DGKE: variants seen among roughly 807,000 people sequenced by gnomAD.
DGKE encodes the protein DAG kinase epsilon.
Under a neutral mutation model 70.0 loss-of-function variants are expected in DGKE, and 53 were observed. The ratio of observed to expected loss-of-function variants is 0.76; its 90% CI spans 0.61 to 0.95. The LOEUF (loss-of-function observed/expected upper bound fraction) is 0.95. DGKE is among the 40% of genes least tolerant of loss of function. The pLI is 0.00. For missense variants in DGKE, 655 were observed against 706.9 expected (o/e 0.93, Z 0.83); for synonymous variants, 291 against 257.0 (o/e 1.13, Z -1.27).
chr17:56,838,243 C>G (rs573412556), intron 2 of DGKE, among the ~76,000 whole-genome samples: 2 of 152,202 alleles, frequency 1.3e-5, no homozygotes, highest in East Asian at 3.8e-4. Context: ...CTCAGTGTAA[C>G]TAGTCTCAGC....
At chr17:56,853,926 A>G (rs1022845106) in intron 7 of DGKE, among the ~76,000 whole-genome samples, 1 of 152,106 alleles carries the variant, frequency 6.6e-6, no homozygotes, top group African/African-American at 2.4e-5. Context: ...CCCATCAGTG[A>G]ATGAATGGTT....
intron 2 of DGKE, among the ~76,000 whole-genome samples, chr17:56,841,266 A>AAT (rs1555597961): frequency 2.7e-4 from 41 of 150,828 alleles, no homozygotes; most frequent in East Asian, 7.8e-4. Flanking sequence ...AAAAAAAAAA[A>AAT]TTTTTTTTAA....
Position 56,866,508 on chromosome 17 carries a change from C to G in DGKE, c.*3717C>G, listed in dbSNP as rs985852582. The G allele has an allele frequency of 5.3e-5, 8 of 152,224 alleles. No individual in the cohort carries two copies. The highest frequency in any genetic ancestry group is 1.9e-4 in the African/African-American group (8 of 41,454). The allele number at this position is 152,224 out of a possible 1,614,324, so 9.4% of individuals were successfully genotyped here. A position where few individuals can be genotyped will look rare whatever the true frequency, so the allele number is the denominator to read the frequency against. On this transcript the variant is annotated 3_prime_UTR_variant, in exon 12 of 12. Transcript: ENST00000284061. ...ATTGTTTTTCTTCTACTCCGCTGTC[C>G]TCTTCCCTCAAAATCACTTTTCTAA...
chr17:56,849,484 G>A (rs1040810949), intron 7 of DGKE, among the ~76,000 whole-genome samples: 3 of 152,202 alleles, frequency 2.0e-5, no homozygotes, highest in Admixed American at 6.5e-5. Flanking sequence ...CCTTAAAAAA[G>A]CAAAGGACTT....
intron 8 of DGKE, 52 bp from the exon 9 acceptor site, chr17:56,858,542 G>T: frequency 6.9e-7 from 1 of 1,449,478 alleles, no homozygotes; most frequent in African/African-American, 1.4e-5. Flanking sequence ...TTTTCTTATT[G>T]TTTACAGGGT....
intron 2 of DGKE, among the ~76,000 whole-genome samples, chr17:56,841,750 T>G (rs1906994044): frequency 6.6e-6 from 1 of 152,198 alleles, no homozygotes. Context: ...CCCATGTTAT[T>G]TATATTTTCA....
chr17:56,848,973 G>A (rs988984111), intron 6 of DGKE, 120 bp downstream of exon 6: 1 of 1,414,246 alleles, frequency 7.1e-7, no homozygotes, highest in Non-Finnish European at 9.7e-7. Flanking sequence ...TATACTAGTT[G>A]TACCTACACA....
intron 7 of DGKE, among the ~76,000 whole-genome samples, chr17:56,851,846 A>T (rs1204717930): frequency 6.6e-6 from 1 of 152,240 alleles, no homozygotes; most frequent in African/African-American, 2.4e-5. Flanking sequence ...AAAGGCTCTT[A>T]TAAACTAAAA....
rs1172562647 is a variant in DGKE, at chr17:56,865,741, T to A, written c.*2950T>A. 2.0e-5 allele frequency: 3 copies of A among 152,280 alleles called. No individual in the cohort carries two copies. The highest frequency in any genetic ancestry group is 4.4e-5 in the Non-Finnish European group (3 of 68,004). 9.4% of individuals were successfully genotyped at this position (152,280 alleles called of 1,614,324 possible). On this transcript the variant is annotated 3_prime_UTR_variant, in exon 12 of 12. Transcript: ENST00000284061. The stretch of plus-strand genomic sequence containing the variant: ...TGTGACTCAGAAATTGTAAAGTCAG[T>A]TTGCGTTGTAAAAATGAATACTACC...
At chr17:56,839,328 A>C (rs6503772) in intron 2 of DGKE, among the ~76,000 whole-genome samples, 73,124 of 151,930 alleles carry the variant, frequency 0.48, 18,213 homozygotes, top group East Asian at 0.89. Flanking sequence ...AAAAGATGAT[A>C]AGCTGTTACC....
intron 4 of DGKE, chr17:56,846,105 C>T: frequency 5.3e-6 from 1 of 190,454 alleles, no homozygotes; most frequent in East Asian, 1.3e-4. Context: ...TTCTCACAAA[C>T]ATTTGCATGA....
Position 56,862,122 on chromosome 17 carries a change from T to C in DGKE, c.1413-18T>C. ...TTTATTGCATCATATAATCCATATTTTCTTTTTCCAATTTTAGGCATGACG... is the reference window on the plus strand; with the variant it reads ...TTTATTGCATCATATAATCCATATTCTCTTTTTCCAATTTTAGGCATGACG... On this transcript the variant is annotated intron_variant, in intron 10 of 11. Coordinates refer to ENST00000284061, the MANE Select transcript of DGKE (RefSeq NM_003647.3). The C allele has an allele frequency of 1.9e-6, 3 of 1,612,328 alleles. No individual in the cohort carries two copies. The highest frequency in any genetic ancestry group is 2.5e-6 in the Non-Finnish European group (3 of 1,178,532).
intron 8 of DGKE, among the ~76,000 whole-genome samples, chr17:56,858,181 AAAG>A (rs2144282269): frequency 6.6e-6 from 1 of 152,356 alleles, no homozygotes; most frequent in African/African-American, 2.4e-5. Flanking sequence ...ATCTTCCAAA[AAAG>A]AAGGATGAGT....
At position 56,836,734 on chromosome 17, in the gene DGKE, G is replaced by A. The variant is rs569186558; in HGVS notation, c.464+1475G>A. On this transcript the variant is annotated intron_variant, in intron 2 of 11. Transcript: ENST00000284061. The stretch of plus-strand genomic sequence containing the variant: ...AAACCCCTAAGTGCTTTTTCACAGG[G>A]TACATAAGGTCCTAGTACTTTCTGG... Among the ~76,000 whole-genome samples the A allele has an allele frequency of 1.4e-4, 22 of 152,280 alleles. No individual in the cohort carries two copies. The East Asian group carries it at 2.9e-3, about 20-fold the overall frequency.
chr17:56,843,372 CAT>C (rs1453261090), intron 2 of DGKE, among the ~76,000 whole-genome samples: 2 of 152,162 alleles, frequency 1.3e-5, no homozygotes, highest in Admixed American at 1.3e-4. Context: ...TGTCATAGCA[CAT>C]GTCATAAAGC....
At position 56,844,013 on chromosome 17, in the gene DGKE, C is replaced by T; in HGVS notation, c.465-6C>T. Reference sequence around the variant, plus strand: ...TTAGTTAATGCTTGTTTCTTCCTTCCCTCAGGTGCATTTGGTGCCAGAAAA... The same window carrying T: ...TTAGTTAATGCTTGTTTCTTCCTTCTCTCAGGTGCATTTGGTGCCAGAAAA... On this transcript the variant is annotated splice_polypyrimidine_tract_variant and splice_region_variant and intron_variant, in intron 2 of 11. Coordinates refer to ENST00000284061, the MANE Select transcript of DGKE (RefSeq NM_003647.3). 4 of 1,534,266 alleles carry T rather than the reference C, an allele frequency of 2.6e-6. No homozygotes were observed. Among genetic ancestry groups the T allele is most frequent in the East Asian group, 2.5e-5 (1 of 39,654 alleles).
At chr17:56,856,768 A>C (rs931591670) in intron 8 of DGKE, 143 bp downstream of exon 8, 1 of 1,103,662 alleles carries the variant, frequency 9.1e-7, no homozygotes, top group East Asian at 2.9e-5. Flanking sequence ...AGGGTTGTCA[A>C]ATTAGATCTT....
chr17:56,843,949 G>A, intron 2 of DGKE, 70 bp from the exon 3 acceptor site: 1 of 1,401,560 alleles, frequency 7.1e-7, no homozygotes, highest in South Asian at 1.5e-5. Flanking sequence ...TAACAAAAAT[G>A]ATTGTTTTGT....
chr17:56,861,651 C>T (rs1908298684), intron 9 of DGKE, 140 bp from the exon 10 acceptor site: 3 of 1,064,332 alleles, frequency 2.8e-6, no homozygotes, highest in Non-Finnish European at 2.7e-6. Flanking sequence ...ATGAGAGGCC[C>T]TGAGTGAGAG....
Sources: gnomAD v4.1 joint callset for allele counts (sites outside exome capture counted in the v4.1 genomes callset) on GRCh38, gnomAD v4.1.1 for gene constraint, MANE v1.5 for transcripts, NCBI Gene and HGNC (gene_info 2026-07-23, HGNC 2026-07-21) for gene names.